RBM46: variants seen among roughly 807,000 people sequenced by gnomAD.
RBM46 encodes the protein probable RNA-binding protein 46.
Under a neutral mutation model 43.3 loss-of-function variants are expected in RBM46, and 12 were observed. The observed-to-expected ratio is 0.28, with a 90% CI of 0.18 to 0.45. The LOEUF is 0.45. Among genes scored for constraint, RBM46 ranks in the 20% least tolerant of loss-of-function variants. The pLI is 1.00. For missense variants in RBM46, 412 were observed against 639.1 expected, an observed-to-expected ratio of 0.64 and a Z score of 3.83; for synonymous variants, 205 against 207.6, an observed-to-expected ratio of 0.99 and a Z score of 0.11.
intron 4 of RBM46, among the ~76,000 whole-genome samples, chr4:154,812,850 C>T (rs1735248113): frequency 2.0e-5 from 3 of 152,146 alleles, no homozygotes; most frequent in Non-Finnish European, 2.9e-5. Flanking sequence ...TTTCCCATTG[C>T]TGTGCACTGT....
rs1446502827 is a variant in RBM46, at chr4:154,817,073, T to G, written c.1403-10795T>G. 2.8e-5 allele frequency among the ~76,000 whole-genome samples: 4 copies of G among 142,456 alleles called. No homozygotes were observed. The East Asian group carries it at 7.7e-4, about 27-fold the overall frequency. The allele number at this position is 142,456 out of a possible 152,430, so 93.5% of individuals were successfully genotyped here. A position where few individuals can be genotyped will look rare whatever the true frequency, so the allele number is the denominator to read the frequency against. On this transcript the variant is annotated intron_variant, in intron 4 of 4. Transcript: ENST00000281722. ...TTTATATATTGCTAAAATTCATTTGTTTTTTTTAGGATTTTTACATCTGTG... is the reference window on the plus strand; with the variant it reads ...TTTATATATTGCTAAAATTCATTTGGTTTTTTTAGGATTTTTACATCTGTG...
intron 4 of RBM46, among the ~76,000 whole-genome samples, chr4:154,809,183 A>G (rs996323113): frequency 6.6e-6 from 1 of 151,626 alleles, no homozygotes; most frequent in African/African-American, 2.4e-5. Context: ...ATATCTTTAC[A>G]TTTTATTTTC....
Position 154,828,003 on chromosome 4 carries a change from C to G in RBM46, c.1538C>G (p.Ser513Ter). Residue 513 changes from serine (S) to a stop codon, truncating the protein, a stop_gained, in exon 5 of 5, where the codon TCA (serine) becomes TGA (stop). Transcript: ENST00000281722. LOFTEE classifies it high-confidence loss of function. ...YPGYPLSPTI[S>*]LANGSHVGQR... ...GGCTATCCTTTGTCACCAACAATAT[C>G]ACTTGCTAATGGCAGCCATGTTGGA... The G allele has an allele frequency of 1.9e-6, 3 of 1,613,994 alleles. No homozygotes were observed. The South Asian group carries it at 3.3e-5, about 18-fold the overall frequency.
chr4:154,794,501 T>C (rs1734255025), intron 1 of RBM46, among the ~76,000 whole-genome samples: 1 of 152,174 alleles, frequency 6.6e-6, no homozygotes, highest in African/African-American at 2.4e-5. Flanking sequence ...TTCTACTGAC[T>C]TCCCCATGCA....
At chr4:154,807,995 T>G (rs1734988196) in intron 4 of RBM46, among the ~76,000 whole-genome samples, 1 of 151,994 alleles carries the variant, frequency 6.6e-6, no homozygotes, top group Non-Finnish European at 1.5e-5. Context: ...GCCTATACAT[T>G]GCTTTGATTC....
At position 154,828,729 on chromosome 4, in the gene RBM46, T is replaced by C. The variant is rs1248179606; in HGVS notation, c.*662T>C. On this transcript the variant is annotated 3_prime_UTR_variant, in exon 5 of 5. Transcript: ENST00000281722. ...TATTCTTTGTATTGTTAATAACAAG[T>C]GTTATGGGTTTTTAATGTTGAAATC... 2 of 152,610 alleles carry C rather than the reference T, an allele frequency of 1.3e-5. No homozygotes were observed. Among genetic ancestry groups the C allele is most frequent in the African/African-American group, 2.4e-5 (1 of 41,456 alleles). The allele number at this position is 152,610 out of a possible 1,614,324, so 9.5% of individuals were successfully genotyped here. A position where few individuals can be genotyped will look rare whatever the true frequency, so the allele number is the denominator to read the frequency against.
chr4:154,808,219 A>G lies in RBM46; in HGVS notation c.1402+8655A>G, dbSNP rs2111169844. 2.0e-5 allele frequency among the ~76,000 whole-genome samples: 3 copies of G among 152,138 alleles called. No homozygotes were observed. The South Asian group carries it at 6.2e-4, about 32-fold the overall frequency. On this transcript the variant is annotated intron_variant, in intron 4 of 4. Coordinates refer to ENST00000281722, the MANE Select transcript of RBM46 (RefSeq NM_144979.5). ...TGATTTCTGTACACAAATTCAAGGG[A>G]TTGGCACTTATTTAAATAAAATGTA...
intron 4 of RBM46, among the ~76,000 whole-genome samples, chr4:154,823,570 T>A (rs1448771657): frequency 6.6e-6 from 1 of 151,946 alleles, no homozygotes; most frequent in Non-Finnish European, 1.5e-5. Flanking sequence ...TTAAGGGTTT[T>A]CCTCATCTTT....
At chr4:154,787,716 G>A (rs1443370904) in intron 1 of RBM46, among the ~76,000 whole-genome samples, 1 of 152,246 alleles carries the variant, frequency 6.6e-6, no homozygotes, top group East Asian at 1.9e-4. Flanking sequence ...GGATGGCTGG[G>A]TCAAATGGTA....
At chr4:154,813,619 A>C (rs1230363042) in intron 4 of RBM46, among the ~76,000 whole-genome samples, 3 of 152,188 alleles carry the variant, frequency 2.0e-5, no homozygotes, top group African/African-American at 7.2e-5. Context: ...ACGTTTGATC[A>C]AGGCTTCACA....
At chr4:154,803,441 C>A (rs1428509406) in intron 4 of RBM46, among the ~76,000 whole-genome samples, 1 of 152,128 alleles carries the variant, frequency 6.6e-6, no homozygotes, top group Non-Finnish European at 1.5e-5. Context: ...TGGCTCACGC[C>A]TGTAATCCCA....
In RBM46 at chr4:154,828,373, T is replaced by G. The variant is rs1356124143; in HGVS notation, c.*306T>G. The G allele has an allele frequency of 1.4e-5, 3 of 218,910 alleles. No homozygotes were observed. Among genetic ancestry groups the G allele is most frequent in the Middle Eastern group, 1.6e-3 (1 of 632 alleles). 13.6% of individuals were successfully genotyped at this position (218,910 alleles called of 1,614,324 possible). On this transcript the variant is annotated 3_prime_UTR_variant, in exon 5 of 5. Transcript: ENST00000281722. Reference sequence around the variant, plus strand: ...GCAATAGAACCTAGTCATTTATGTTTTTTTTTTTTTTTGCATAATTTTACT... The same window carrying G: ...GCAATAGAACCTAGTCATTTATGTTGTTTTTTTTTTTTGCATAATTTTACT...
At chr4:154,815,558 G>C (rs975320153) in intron 4 of RBM46, among the ~76,000 whole-genome samples, 1 of 151,896 alleles carries the variant, frequency 6.6e-6, no homozygotes, top group Non-Finnish European at 1.5e-5. Flanking sequence ...GATAACTTAC[G>C]ATATTGATCA....
intron 4 of RBM46, 124 bp from the exon 5 acceptor site, chr4:154,827,741 TATC>T (rs1167954470): frequency 7.9e-6 from 12 of 1,518,780 alleles, no homozygotes; most frequent in African/African-American, 5.5e-5. Context: ...AGCAATATAG[TATC>T]ATCAAGATTT....
chr4:154,815,926 A>G (rs1735419186), intron 4 of RBM46, among the ~76,000 whole-genome samples: 2 of 152,088 alleles, frequency 1.3e-5, no homozygotes, highest in Non-Finnish European at 2.9e-5. Context: ...GCGAAGTATC[A>G]GAGTCCGCCC....
At chr4:154,802,457 T>C (rs1734683126) in intron 4 of RBM46, among the ~76,000 whole-genome samples, 1 of 152,226 alleles carries the variant, frequency 6.6e-6, no homozygotes, top group Non-Finnish European at 1.5e-5. Flanking sequence ...CTTCTGTTAA[T>C]GTTGGAGCCT....
intron 4 of RBM46, among the ~76,000 whole-genome samples, chr4:154,818,853 C>G (rs1180492966): frequency 3.3e-5 from 5 of 151,952 alleles, no homozygotes; most frequent in African/African-American, 1.2e-4. Flanking sequence ...AAAGGTTTAT[C>G]CTAAGAACCA....
At chr4:154,789,793 C>A (rs1480657017) in intron 1 of RBM46, among the ~76,000 whole-genome samples, 1 of 152,146 alleles carries the variant, frequency 6.6e-6, no homozygotes, top group African/African-American at 2.4e-5. Flanking sequence ...GGCTTTGAAT[C>A]CATCTGGTCC....
intron 4 of RBM46, among the ~76,000 whole-genome samples, chr4:154,814,770 T>C (rs1735344535): frequency 6.6e-6 from 1 of 152,016 alleles, no homozygotes; most frequent in African/African-American, 2.4e-5. Context: ...AGTGATTTTA[T>C]ATTTTATCAT....
Sources: gnomAD v4.1 joint callset for allele counts (sites outside exome capture counted in the v4.1 genomes callset) on GRCh38, gnomAD v4.1.1 for gene constraint, MANE v1.5 for transcripts, NCBI Gene and HGNC (gene_info 2026-07-23, HGNC 2026-07-21) for gene names.